GALNT13: variants seen among roughly 807,000 people sequenced by gnomAD.
GALNT13 encodes the protein polypeptide N-acetylgalactosaminyltransferase 13, also known as UDP-GalNAc:polypeptide N-acetylgalactosaminyltransferase 13.
A neutral mutation model predicts 64.2 loss-of-function variants in GALNT13; 28 were observed. The ratio of observed to expected loss-of-function variants is 0.44; its 90% CI spans 0.32 to 0.60. The LOEUF (loss-of-function observed/expected upper bound fraction) is 0.60, where lower values mean the gene tolerates loss of function less well. Ranked by LOEUF, GALNT13 falls within the 20% of genes least tolerant of loss-of-function variation. GALNT13 has a pLI of 0.05. For missense variants in GALNT13, 577 were observed against 669.8 expected, an observed-to-expected ratio of 0.86 and a Z score of 1.53; for synonymous variants, 214 against 224.6, an observed-to-expected ratio of 0.95 and a Z score of 0.42.
the GALNT13 span, among the ~76,000 whole-genome samples, chr2:153,441,227 G>C: frequency 5.9e-5 from 9 of 152,100 alleles, no homozygotes; most frequent in East Asian, 1.5e-3. Flanking sequence ...TTGCTTGTTT[G>C]TATCAGGTTT....
intron 3 of GALNT13, among the ~76,000 whole-genome samples, chr2:153,969,933 G>T (rs1027370170): frequency 6.6e-6 from 1 of 152,112 alleles, no homozygotes; most frequent in African/African-American, 2.4e-5. Flanking sequence ...GAAGGTGAGA[G>T]ATTGTTCTTA....
the GALNT13 span, chr2:153,762,325 T>G: frequency 6.6e-6 from 1 of 152,210 alleles, no homozygotes; most frequent in Non-Finnish European, 1.5e-5. Context: ...TGAGAGCTGA[T>G]GCACAACAAT....
At chr2:153,798,580 G>A in the GALNT13 span, among the ~76,000 whole-genome samples, 1 of 152,048 alleles carries the variant, frequency 6.6e-6, no homozygotes, top group African/African-American at 2.4e-5. Context: ...GCATAAAAAT[G>A]TCCTGGTTTA....
chr2:154,097,126 A>G (rs75974515), intron 3 of GALNT13, among the ~76,000 whole-genome samples: 2,202 of 152,194 alleles, frequency 0.014, 24 homozygotes, highest in Non-Finnish European at 0.022. Context: ...ATAAATACAT[A>G]CAATTTTTCC....
At chr2:153,871,705 C>A (rs1044182335), upstream of GALNT13, among the ~76,000 whole-genome samples, 11 of 152,310 alleles carry the variant, frequency 7.2e-5, no homozygotes, top group Admixed American at 1.3e-4. Context: ...AGCGCCAGCT[C>A]CAGAAGCAGC....
At chr2:154,392,986 A>G (rs1698867290) in intron 9 of GALNT13, among the ~76,000 whole-genome samples, 1 of 152,166 alleles carries the variant, frequency 6.6e-6, no homozygotes, top group African/African-American at 2.4e-5. Context: ...AAAGAAAATT[A>G]TTTGTTTTTC....
the GALNT13 span, among the ~76,000 whole-genome samples, chr2:153,206,351 C>CT: frequency 6.6e-6 from 1 of 152,160 alleles, no homozygotes. Context: ...GGCTAAAGGG[C>CT]TTTTATCACA....
chr2:154,409,183 C>A, intron 11 of GALNT13, 101 bp downstream of exon 11: 1 of 778,124 alleles, frequency 1.3e-6, no homozygotes, highest in Non-Finnish European at 2.3e-6. Context: ...ATAAACTGAG[C>A]TTAATAAATA....
the GALNT13 span, among the ~76,000 whole-genome samples, chr2:153,126,325 TATATATATATATA>T: frequency 7.0e-4 from 76 of 107,940 alleles, no homozygotes; most frequent in South Asian, 2.2e-3. Context: ...TATATATATA[TATATATATATATA>T]TATATATATG....
the GALNT13 span, among the ~76,000 whole-genome samples, chr2:153,583,109 C>T: frequency 6.6e-6 from 1 of 152,090 alleles, no homozygotes; most frequent in Non-Finnish European, 1.5e-5. Context: ...AGGAGGTGTG[C>T]ATGATAATCC....
chr2:153,316,510 G>A, the GALNT13 span, among the ~76,000 whole-genome samples: 10 of 151,586 alleles, frequency 6.6e-5, no homozygotes, highest in East Asian at 1.4e-3. Context: ...GCGTGGTGGC[G>A]GGTGCCTGTA....
At chr2:153,180,131 T>C in the GALNT13 span, among the ~76,000 whole-genome samples, 1 of 152,142 alleles carries the variant, frequency 6.6e-6, no homozygotes, top group Non-Finnish European at 1.5e-5. Flanking sequence ...GGGTTCAATT[T>C]TTCACTGTTA....
At chr2:153,995,510 T>C (rs1695463159) in intron 3 of GALNT13, among the ~76,000 whole-genome samples, 1 of 152,184 alleles carries the variant, frequency 6.6e-6, no homozygotes. Context: ...ATTTAAATTT[T>C]CTTTTTAAAA....
intron 8 of GALNT13, among the ~76,000 whole-genome samples, chr2:154,278,661 A>G (rs1323153783): frequency 6.6e-6 from 1 of 152,168 alleles, no homozygotes; most frequent in African/African-American, 2.4e-5. Flanking sequence ...AGTTATGGTG[A>G]TTGTCAACAG....
At chr2:154,345,497 G>A (rs1057246198) in intron 9 of GALNT13, among the ~76,000 whole-genome samples, 9 of 151,932 alleles carry the variant, frequency 5.9e-5, no homozygotes, top group South Asian at 4.2e-4. Flanking sequence ...TTCTGAGTGC[G>A]TAAAATGTGC....
intron 4 of GALNT13, among the ~76,000 whole-genome samples, chr2:154,227,965 A>G (rs1332876263): frequency 6.6e-6 from 1 of 152,122 alleles, no homozygotes; most frequent in African/African-American, 2.4e-5. Context: ...TTTACAAAAT[A>G]TGGTAATTCT....
At chr2:153,504,842 T>A in the GALNT13 span, among the ~76,000 whole-genome samples, 1 of 152,332 alleles carries the variant, frequency 6.6e-6, no homozygotes, top group African/African-American at 2.4e-5. Flanking sequence ...TCTGTAGTTT[T>A]CTTTTCTTGT....
chr2:153,673,610 G>C, the GALNT13 span, among the ~76,000 whole-genome samples: 1 of 152,098 alleles, frequency 6.6e-6, no homozygotes, highest in African/African-American at 2.4e-5. Flanking sequence ...ATACTGAATG[G>C]GCAAAAGCTG....
At chr2:153,958,842 T>C (rs1011966833) in intron 3 of GALNT13, among the ~76,000 whole-genome samples, 2 of 152,118 alleles carry the variant, frequency 1.3e-5, no homozygotes, top group Non-Finnish European at 2.9e-5. Context: ...TAAACAGCAT[T>C]GCCCAAGGGG....
Sources: gnomAD v4.1 joint callset for allele counts (sites outside exome capture counted in the v4.1 genomes callset) on GRCh38, gnomAD v4.1.1 for gene constraint, MANE v1.5 for transcripts, NCBI Gene and HGNC (gene_info 2026-07-23, HGNC 2026-07-21) for gene names.